Variants in KCNN2 observed in about 807,000 individuals in gnomAD.
KCNN2 encodes the protein small conductance calcium-activated potassium channel protein 2.
KCNN2 carries 24 observed loss-of-function variants against 55.5 expected under a neutral mutation model. The ratio of observed to expected loss-of-function variants is 0.43; its 90% CI spans 0.31 to 0.61. The LOEUF (loss-of-function observed/expected upper bound fraction) is 0.61, where lower values mean the gene tolerates loss of function less well. Ranked by LOEUF, KCNN2 falls within the 20% of genes least tolerant of loss-of-function variation. The pLI, the probability that KCNN2 is intolerant of heterozygous loss-of-function variation, is 0.08. For missense variants in KCNN2, 754 were observed against 853.6 expected (o/e 0.88, Z 1.45); for synonymous variants, 431 against 336.1 (o/e 1.28, Z -3.09).
chr5:114,423,927 C>T (rs1282305249), intron 3 of KCNN2, among the ~76,000 whole-genome samples: 1 of 152,094 alleles, frequency 6.6e-6, no homozygotes, highest in Non-Finnish European at 1.5e-5. Flanking sequence ...AGGGAAGGTG[C>T]AGGGCAGTTT....
chr5:114,350,557 T>A (rs1757188912), intron 2 of KCNN2, among the ~76,000 whole-genome samples: 2 of 151,966 alleles, frequency 1.3e-5, no homozygotes, highest in African/African-American at 4.8e-5. Flanking sequence ...TCACAATGAT[T>A]CACTCAAATG....
chr5:114,242,174 G>T (rs1754658753), intron 2 of KCNN2, among the ~76,000 whole-genome samples: 1 of 151,936 alleles, frequency 6.6e-6, no homozygotes, highest in Non-Finnish European at 1.5e-5. Context: ...ATTATTTAGA[G>T]GGAGGTATGA....
chr5:114,254,895 T>C (rs1754951287), intron 2 of KCNN2, among the ~76,000 whole-genome samples: 1 of 152,174 alleles, frequency 6.6e-6, no homozygotes, highest in Non-Finnish European at 1.5e-5. Context: ...CATAATTACA[T>C]TGAATGATCT....
chr5:114,296,997 T>C (rs990659485), intron 2 of KCNN2, among the ~76,000 whole-genome samples: 1 of 152,190 alleles, frequency 6.6e-6, no homozygotes, highest in Admixed American at 6.5e-5. Context: ...AGCTACTTGC[T>C]TGGTATTGTA....
chr5:114,211,368 C>T (rs181427151), intron 1 of KCNN2, among the ~76,000 whole-genome samples: 5 of 152,032 alleles, frequency 3.3e-5, no homozygotes, highest in South Asian at 2.1e-4. Flanking sequence ...CACCATGAAA[C>T]GCTATGCAGC....
intron 1 of KCNN2, among the ~76,000 whole-genome samples, chr5:114,114,514 T>C (rs146607177): frequency 4.5e-4 from 69 of 152,204 alleles, no homozygotes; most frequent in African/African-American, 1.6e-3. Context: ...GCTGGAGTTA[T>C]AGGCGTAAGC....
intron 2 of KCNN2, among the ~76,000 whole-genome samples, chr5:114,294,016 T>C (rs1297908377): frequency 6.6e-6 from 1 of 152,222 alleles, no homozygotes; most frequent in Non-Finnish European, 1.5e-5. Flanking sequence ...GTAGTTTGTA[T>C]TTCTGTGGGA....
chr5:114,496,105 G>A lies in KCNN2; in HGVS notation c.2299G>A (p.Ala767Thr), dbSNP rs971492768. Residue 767 changes from alanine (A) to threonine (T), a missense_variant, in exon 8 of 8, where the codon GCT becomes ACT. Physicochemically the swap from Ala to Thr is moderately conservative, Grantham distance 58. Around this residue, in one of 4 missense-constraint regions of KCNN2, gnomAD observed 164 missense variants for 156.6 expected, o/e 1.05. Transcript: ENST00000673685. ...CTACGACAAGCACGTCACTTACAAT[G>A]CTGAGCGGTCCCGGTCCTCGTCCAG... ...ESYDKHVTYNAERSRSSSRRR... is the reference protein window; with the variant it reads ...ESYDKHVTYNTERSRSSSRRR... 6.2e-7 allele frequency: 1 copy of A among 1,613,910 alleles called. No individual in the cohort carries two copies. Among genetic ancestry groups the A allele is most frequent in the Non-Finnish European group, 8.5e-7 (1 of 1,179,980 alleles).
chr5:114,107,855 A>G (rs1013032370), intron 1 of KCNN2, among the ~76,000 whole-genome samples: 1 of 152,090 alleles, frequency 6.6e-6, no homozygotes, highest in Admixed American at 6.6e-5. Flanking sequence ...ATACCATAAT[A>G]TAAACCTTCA....
At chr5:114,168,871 A>G (rs928082547) in intron 1 of KCNN2, among the ~76,000 whole-genome samples, 1 of 152,096 alleles carries the variant, frequency 6.6e-6, no homozygotes, top group East Asian at 1.9e-4. Context: ...TATGTATAAT[A>G]TGGTTTGGCT....
intron 2 of KCNN2, among the ~76,000 whole-genome samples, chr5:114,396,956 A>T (rs1040933128): frequency 7.2e-4 from 110 of 152,204 alleles, no homozygotes; most frequent in African/African-American, 2.4e-3. Context: ...GCTCCCACTT[A>T]TAAGTAAGAA....
chr5:114,232,764 G>A (rs1369952348), intron 2 of KCNN2, among the ~76,000 whole-genome samples: 1 of 150,424 alleles, frequency 6.6e-6, no homozygotes, highest in African/African-American at 2.5e-5. Context: ...TGATAATGAT[G>A]GCATGGAACA....
intron 1 of KCNN2, among the ~76,000 whole-genome samples, chr5:114,203,183 T>C (rs1040544776): frequency 6.6e-6 from 1 of 152,192 alleles, no homozygotes; most frequent in Non-Finnish European, 1.5e-5. Context: ...TGTTTTATTA[T>C]TAGGTCTCTA....
At chr5:114,386,947 A>G (rs992635748) in intron 2 of KCNN2, among the ~76,000 whole-genome samples, 1 of 152,026 alleles carries the variant, frequency 6.6e-6, no homozygotes, top group African/African-American at 2.4e-5. Flanking sequence ...TACCTTTAGG[A>G]TGCTGTACTT....
chr5:114,081,628 C>G (rs1032071230), intron 1 of KCNN2, among the ~76,000 whole-genome samples: 1 of 152,144 alleles, frequency 6.6e-6, no homozygotes, highest in Admixed American at 6.5e-5. Flanking sequence ...AAAATTAACT[C>G]AAAATGAATC....
chr5:114,057,732 G>T (rs1481452533), intron 1 of KCNN2, among the ~76,000 whole-genome samples: 1 of 152,220 alleles, frequency 6.6e-6, no homozygotes, highest in Non-Finnish European at 1.5e-5. Flanking sequence ...CTTGGTGGTA[G>T]TGACATTCAG....
chr5:114,313,956 T>A (rs1004386687), intron 2 of KCNN2, among the ~76,000 whole-genome samples: 2 of 152,162 alleles, frequency 1.3e-5, no homozygotes, highest in African/African-American at 4.8e-5. Flanking sequence ...TTGTTGTTAT[T>A]GACAAAACCA....
intron 1 of KCNN2, among the ~76,000 whole-genome samples, chr5:114,159,446 A>C (rs536115401): frequency 6.6e-6 from 1 of 152,094 alleles, no homozygotes; most frequent in Non-Finnish European, 1.5e-5. Context: ...TTCATCAAGG[A>C]TATTGGTTTA....
intron 1 of KCNN2, among the ~76,000 whole-genome samples, chr5:114,130,244 A>T (rs955620139): frequency 6.6e-6 from 1 of 152,082 alleles, no homozygotes; most frequent in Admixed American, 6.6e-5. Flanking sequence ...TTTTCAGTTT[A>T]TATATCCTTG....
Sources: allele counts gnomAD v4.1 joint callset (sites outside exome capture counted in the v4.1 genomes callset), GRCh38; gene constraint gnomAD v4.1.1; regional missense constraint gnomAD v4.1.1; transcripts MANE v1.5; gene names NCBI Gene and HGNC (gene_info 2026-07-23, HGNC 2026-07-21).